TMEM201: variants seen among roughly 807,000 people sequenced by gnomAD.
TMEM201 encodes transmembrane protein 201.
In TMEM201, 26 loss-of-function variants were observed where a neutral mutation model predicts 63.4. The observed-to-expected ratio is 0.41, with a 90% CI of 0.30 to 0.57. The LOEUF (loss-of-function observed/expected upper bound fraction) is 0.57, where lower values mean the gene tolerates loss of function less well. TMEM201 is among the 20% of genes least tolerant of loss of function. The pLI is 0.29. For synonymous variants in TMEM201, 417 were observed against 421.6 expected, an observed-to-expected ratio of 0.99 and a Z score of 0.14; for missense variants, 794 against 917.7, an observed-to-expected ratio of 0.87 and a Z score of 1.74.
intron 3 of TMEM201, 110 bp from the exon 4 acceptor site, chr1:9,598,339 G>A: frequency 7.4e-7 from 1 of 1,349,440 alleles, no homozygotes; most frequent in Non-Finnish European, 1.0e-6. Flanking sequence ...CTTGCCCCCG[G>A]TCATCCCCTA....
intron 6 of TMEM201, 62 bp downstream of exon 6, chr1:9,602,334 C>T: frequency 5.0e-6 from 8 of 1,584,496 alleles, no homozygotes; most frequent in Non-Finnish European, 6.0e-6. Flanking sequence ...CAGGCTTTGC[C>T]AGGTCCGAAG....
chr1:9,605,055 C>T lies in TMEM201; in HGVS notation c.1161-2502C>T. Reference sequence around the variant, plus strand: ...TGTGTTTGGGGTACAGACACGTCCACAGGAGTCAGGTTTGGGAGCCAGTGA... The same window carrying T: ...TGTGTTTGGGGTACAGACACGTCCATAGGAGTCAGGTTTGGGAGCCAGTGA... On this transcript the variant is annotated intron_variant, in intron 6 of 10. Transcript: ENST00000340381. The surrounding 1 kb of genome is among the most constrained non-coding windows in gnomAD (Gnocchi z 5.7). 2 of 981,704 alleles carry T rather than the reference C, an allele frequency of 2.0e-6. No homozygotes were observed. The highest frequency in any genetic ancestry group is 2.4e-6 in the Non-Finnish European group (2 of 826,310). The allele number at this position is 981,704 out of a possible 1,614,324, so 60.8% of individuals were successfully genotyped here. A position where few individuals can be genotyped will look rare whatever the true frequency, so the allele number is the denominator to read the frequency against.
At chr1:9,602,371 T>G (rs1433993235) in intron 6 of TMEM201, 99 bp downstream of exon 6, 5 of 1,513,366 alleles carry the variant, frequency 3.3e-6, no homozygotes, top group South Asian at 2.5e-5. Context: ...CTGCCTCTTT[T>G]CACCTGCTCA....
rs775499345 is a variant in TMEM201 at position 9,601,335 on chromosome 1, C to G, written c.837C>G (p.Pro279=). The G allele has an allele frequency of 1.4e-5, 22 of 1,608,574 alleles. No homozygotes were observed. The highest frequency in any genetic ancestry group is 1.7e-5 in the Non-Finnish European group (20 of 1,179,888). The change falls in exon 5 of 11, where the codon CCC becomes CCG. Residue 279 remains proline, a synonymous_variant. Coordinates refer to ENST00000340381, the MANE Select transcript of TMEM201 (RefSeq NM_001130924.3). The stretch of plus-strand genomic sequence containing the variant: ...GGCGGCAGTTGCTGGGCCTACTCCC[C>G]GAGCACATGGCGGAGAAGCTGTGTG... The part of the protein sequence containing the change: ...EGWRQLLGLL[P]EHMAEKLCEA...
rs2100513802 is a variant in TMEM201, at chr1:9,607,124, C to T, written c.1161-433C>T. On this transcript the variant is annotated intron_variant, in intron 6 of 10. Coordinates refer to ENST00000340381, the MANE Select transcript of TMEM201 (RefSeq NM_001130924.3). This position sits in a 1 kb window ranked among gnomAD's most constrained non-coding sequence, Gnocchi z 5.4. Reference sequence around the variant, plus strand: ...GAGATGAGCCAGGATGTCCCTGAGCCCGGCCGCTCTGTGGGAAGGCTCGGC... The same window carrying T: ...GAGATGAGCCAGGATGTCCCTGAGCTCGGCCGCTCTGTGGGAAGGCTCGGC... Among the ~76,000 whole-genome samples the T allele has an allele frequency of 6.6e-6, 1 of 152,322 alleles. No individual in the cohort carries two copies. The highest frequency in any genetic ancestry group is 2.4e-5 in the African/African-American group (1 of 41,560).
chr1:9,602,939 C>T (rs1411046536), intron 6 of TMEM201: 9 of 985,504 alleles, frequency 9.1e-6, no homozygotes, highest in Non-Finnish European at 9.6e-6. Context: ...TCCCGAGTCC[C>T]CGGAAATGGA....
Position 9,588,997 on chromosome 1 carries a change from A to G in TMEM201, c.67A>G (p.Thr23Ala). Reference protein sequence around the residue: ...TAGLAGGLGVTACAAAGVLLY... With the variant: ...TAGLAGGLGVAACAAAGVLLY... ...CGGCCTGGCCGGCGGCCTGGGGGTC[A>G]CGGCGTGCGCCGCGGCCGGCGTGTT... is the stretch of plus-strand genomic sequence containing the variant. The change falls in exon 1 of 11, where the codon ACG becomes GCG. Residue 23 changes from threonine to alanine, a missense_variant. Thr to Ala is a moderately conservative substitution (Grantham distance 58). Transcript: ENST00000340381. The G allele has an allele frequency of 8.4e-7, 1 of 1,195,234 alleles. No homozygotes were observed. The highest frequency in any genetic ancestry group is 1.0e-6 in the Non-Finnish European group (1 of 956,416). The allele number at this position is 1,195,234 out of a possible 1,614,324, so 74.0% of individuals were successfully genotyped here.
chr1:9,597,851 C>T (rs1463965509), intron 3 of TMEM201, among the ~76,000 whole-genome samples: 1 of 152,248 alleles, frequency 6.6e-6, no homozygotes, highest in Admixed American at 6.5e-5. Context: ...AGGGATCACA[C>T]TCCTGACCCT....
chr1:9,602,406 C>G, intron 6 of TMEM201, 134 bp downstream of exon 6: 1 of 1,475,616 alleles, frequency 6.8e-7, no homozygotes, highest in Non-Finnish European at 9.0e-7. Context: ...CACCCTACAG[C>G]CCCAGGTCCT....
intron 1 of TMEM201, among the ~76,000 whole-genome samples, chr1:9,594,782 C>T (rs1034168940): frequency 6.6e-6 from 1 of 152,258 alleles, no homozygotes; most frequent in African/African-American, 2.4e-5. Context: ...TTGCAGCATG[C>T]AGAAGCCGGG....
Position 9,603,473 on chromosome 1 carries a change from C to T in TMEM201, c.1160+1201C>T, listed in dbSNP as rs2100499888. On this transcript the variant is annotated intron_variant, in intron 6 of 10. Transcript: ENST00000340381. The surrounding 1 kb of genome is among the most constrained non-coding windows in gnomAD (Gnocchi z 4.5). ...GGCCGTCCCTCACCGGGCATGTTCC[C>T]TCTGGCTGCCCACTCCCTCAGGGCC... The T allele has an allele frequency of 3.0e-6, 3 of 985,522 alleles. No homozygotes were observed. The highest frequency in any genetic ancestry group is 9.4e-5 in the South Asian group (2 of 21,288). 61.0% of individuals were successfully genotyped at this position (985,522 alleles called of 1,614,324 possible). A position where few individuals can be genotyped will look rare whatever the true frequency, so the allele number is the denominator to read the frequency against.
Position 9,603,103 on chromosome 1 carries a change from G to A in TMEM201, c.1160+831G>A, listed in dbSNP as rs1274434721. On this transcript the variant is annotated intron_variant, in intron 6 of 10. Transcript: ENST00000340381. This position sits in a 1 kb window ranked among gnomAD's most constrained non-coding sequence, Gnocchi z 4.5. Reference sequence around the variant, plus strand: ...GGTATGCAGGCCTTCAGTGACATCAGGTCGTTGTCATCCTTTCCCTCCCTG... The same window carrying A: ...GGTATGCAGGCCTTCAGTGACATCAAGTCGTTGTCATCCTTTCCCTCCCTG... 8 of 985,362 alleles carry A rather than the reference G, an allele frequency of 8.1e-6. No individual in the cohort carries two copies. The African/African-American group carries it at 1.2e-4, about 15-fold the overall frequency. 61.0% of individuals were successfully genotyped at this position (985,362 alleles called of 1,614,324 possible).
At position 9,604,373 on chromosome 1, in the gene TMEM201, T is replaced by C; in HGVS notation, c.1160+2101T>C. 1 of 985,414 alleles carries C rather than the reference T, an allele frequency of 1.0e-6. No homozygotes were observed. The highest frequency in any genetic ancestry group is 4.7e-5 in the South Asian group (1 of 21,286). 61.0% of individuals were successfully genotyped at this position (985,414 alleles called of 1,614,324 possible). On this transcript the variant is annotated intron_variant, in intron 6 of 10. Transcript: ENST00000340381. This position sits in a 1 kb window ranked among gnomAD's most constrained non-coding sequence, Gnocchi z 4.1. ...GAGGTAGCTCTCAGCAGAGTGAGGA[T>C]TCCTGCCTTTCGTAGAGTTTTGTGT...
chr1:9,611,243 G>C (rs1375299752), intron 9 of TMEM201, among the ~76,000 whole-genome samples: 1 of 150,510 alleles, frequency 6.6e-6, no homozygotes, highest in Non-Finnish European at 1.5e-5. Flanking sequence ...TGTCGCCCAG[G>C]CTGGAGTGCA....
At chr1:9,597,266 G>A (rs896439023) in intron 3 of TMEM201, among the ~76,000 whole-genome samples, 5 of 152,170 alleles carry the variant, frequency 3.3e-5, no homozygotes, top group Admixed American at 6.5e-5. Flanking sequence ...CCCCGTTGGA[G>A]CTGAGCTGCT....
chr1:9,601,012 G>T (rs922439483), intron 4 of TMEM201, 93 bp from the exon 5 acceptor site: 8 of 1,138,488 alleles, frequency 7.0e-6, no homozygotes, highest in Non-Finnish European at 1.0e-5. Context: ...GAGAACATGG[G>T]TCTGGCCAGA....
At chr1:9,589,427 C>T (rs972682841) in intron 1 of TMEM201, among the ~76,000 whole-genome samples, 1 of 152,220 alleles carries the variant, frequency 6.6e-6, no homozygotes, top group African/African-American at 2.4e-5. Context: ...TGTGACGTCC[C>T]GGGCGTTTTT....
chr1:9,591,904 A>G (rs1265709522), intron 1 of TMEM201, among the ~76,000 whole-genome samples: 1 of 152,256 alleles, frequency 6.6e-6, no homozygotes, highest in Non-Finnish European at 1.5e-5. Context: ...GGGCGACCGC[A>G]GATGCCCCGC....
chr1:9,613,042 G>T lies in TMEM201; in HGVS notation c.1960G>T (p.Ala654Ser), dbSNP rs765294405. The T allele has an allele frequency of 1.9e-6, 3 of 1,551,392 alleles. No individual in the cohort carries two copies. The highest frequency in any genetic ancestry group is 2.4e-5 in the South Asian group (2 of 84,064). Residue 654 changes from alanine to serine, a missense_variant, in exon 11 of 11, where the codon GCC becomes TCC. Physicochemically the swap from Ala to Ser is moderately conservative, Grantham distance 99. Transcript: ENST00000340381. ...CCTGGCCGTGAGCTTGGCCGCCAAC[G>T]CCCTGTTCACCTCGGTGTTTCTGTA... ...GLLAVSLAAN[A>S]LFTSVFLYQS...
Sources: gnomAD v4.1 joint callset for allele counts (sites outside exome capture counted in the v4.1 genomes callset) on GRCh38, gnomAD v4.1.1 for gene constraint, Gnocchi (gnomAD v3.1) non-coding constraint, MANE v1.5 for transcripts, NCBI Gene and HGNC (gene_info 2026-07-23, HGNC 2026-07-21) for gene names.